AFF3: variants seen among roughly 807,000 people sequenced by gnomAD.
AFF3 encodes AF4/FMR2 family member 3.
Under a neutral mutation model 129.7 loss-of-function variants are expected in AFF3, and 32 were observed. The observed-to-expected ratio is 0.25, with a 90% confidence interval of 0.19 to 0.33. The LOEUF is 0.33. Ranked by LOEUF, AFF3 falls within the 10% of genes least tolerant of loss-of-function variation. AFF3 has a pLI of 1.00. For missense variants in AFF3, 1,373 were observed against 1,592.0 expected (o/e 0.86, Z 2.34); for synonymous variants, 644 against 635.4 (o/e 1.01, Z -0.20).
At chr2:99,797,997 T>G (rs184600941) in intron 8 of AFF3, among the ~76,000 whole-genome samples, 95 of 152,206 alleles carry the variant, frequency 6.2e-4, no homozygotes, top group Non-Finnish European at 1.1e-3. Flanking sequence ...ATGGTAAGTC[T>G]ATTAAACATA....
chr2:100,135,107 G>A (rs1326919884), intron 1 of AFF3, among the ~76,000 whole-genome samples: 2 of 152,210 alleles, frequency 1.3e-5, no homozygotes, highest in East Asian at 3.9e-4. Context: ...ACAAATAAGG[G>A]AGAGAGCACC....
At chr2:99,714,721 G>T (rs950586713) in intron 11 of AFF3, among the ~76,000 whole-genome samples, 6 of 152,144 alleles carry the variant, frequency 3.9e-5, no homozygotes, top group African/African-American at 1.2e-4. Flanking sequence ...TGATCAGTTT[G>T]TGTAACCTTA....
At chr2:100,032,032 A>G (rs904151669) in intron 4 of AFF3, among the ~76,000 whole-genome samples, 1 of 152,238 alleles carries the variant, frequency 6.6e-6, no homozygotes, top group South Asian at 2.1e-4. Flanking sequence ...TACCTACTAT[A>G]TAACTCTGTG....
intron 13 of AFF3, among the ~76,000 whole-genome samples, chr2:99,648,934 C>CTCTCTCTCTCTCTCTCTCTCTA: frequency 1.7e-5 from 2 of 119,410 alleles, no homozygotes; most frequent in South Asian, 3.2e-4. Context: ...CTCTCTCTCT[C>CTCTCTCTCTCTCTCTCTCTCTA]TCTCCAATCT....
At chr2:99,884,066 GT>G (rs1205714827) in intron 7 of AFF3, among the ~76,000 whole-genome samples, 1 of 152,160 alleles carries the variant, frequency 6.6e-6, no homozygotes, top group Non-Finnish European at 1.5e-5. Context: ...GATACTAAAG[GT>G]ACAGACATCA....
chr2:99,939,822 A>C (rs1243189044), intron 7 of AFF3, among the ~76,000 whole-genome samples: 1 of 152,238 alleles, frequency 6.6e-6, no homozygotes, highest in Non-Finnish European at 1.5e-5. Context: ...AGCACTAATA[A>C]GAACCACTCT....
intron 4 of AFF3, among the ~76,000 whole-genome samples, chr2:100,075,423 T>C (rs1194879673): frequency 2.0e-5 from 3 of 152,142 alleles, no homozygotes; most frequent in Non-Finnish European, 4.4e-5. Context: ...AAAAACAATA[T>C]GCAGAAAGTG....
chr2:99,549,952 T>C lies in AFF3; in HGVS notation c.*1522A>G, dbSNP rs1674292734. ...CACCACATATTACACCGCCTGCCTT[T>C]CTCAGACCGTCCTGGTGCAACTTTA... is the stretch of plus-strand genomic sequence containing the variant. On this transcript the variant is annotated 3_prime_UTR_variant, in exon 25 of 25. Transcript: ENST00000672756. 1 of 227,630 alleles carries C rather than the reference T, an allele frequency of 4.4e-6. No individual in the cohort carries two copies. The highest frequency in any genetic ancestry group is 8.7e-6 in the Non-Finnish European group (1 of 114,686). The allele number at this position is 227,630 out of a possible 1,614,324, so 14.1% of individuals were successfully genotyped here.
intron 13 of AFF3, among the ~76,000 whole-genome samples, chr2:99,608,524 T>C (rs72966250): frequency 0.063 from 9,614 of 152,094 alleles, 1,001 homozygotes; most frequent in African/African-American, 0.22. Context: ...AGGTTGAAAA[T>C]TGAGAACCCA....
In AFF3 at chr2:99,590,858, T is replaced by C. The variant is rs544221508; in HGVS notation, c.2466+2337A>G. ...AAAATACCAAATTAGCCAGGCATGGTGGCACATGCCTGTAATCCAAGCTAC... is the reference window on the plus strand; with the variant it reads ...AAAATACCAAATTAGCCAGGCATGGCGGCACATGCCTGTAATCCAAGCTAC... On this transcript the variant is annotated intron_variant, in intron 15 of 24. Coordinates refer to ENST00000672756, the MANE Select transcript of AFF3 (RefSeq NM_001386135.1). 6.6e-5 allele frequency among the ~76,000 whole-genome samples: 10 copies of C among 152,096 alleles called. No homozygotes were observed. In the South Asian group the frequency reaches 2.1e-3, roughly 32 times the overall value.
intron 4 of AFF3, among the ~76,000 whole-genome samples, chr2:100,012,465 C>T (rs1682641670): frequency 6.6e-6 from 1 of 152,186 alleles, no homozygotes; most frequent in Admixed American, 6.5e-5. Flanking sequence ...AAGAGAAAGG[C>T]TGGGCTTCCC....
At position 99,936,748 on chromosome 2, in the gene AFF3, G is replaced by A. The variant is rs146297952; in HGVS notation, c.873+69884C>T. The stretch of plus-strand genomic sequence containing the variant: ...GAAGTGCAAACACGCTTGCTAAAAA[G>A]GCAAACACACTTGAGAGTTCTAACG... On this transcript the variant is annotated intron_variant, in intron 7 of 24. Coordinates refer to ENST00000672756, the MANE Select transcript of AFF3 (RefSeq NM_001386135.1). 6.8e-3 allele frequency among the ~76,000 whole-genome samples: 1,035 copies of A among 152,278 alleles called. 5 individuals carry two copies. The highest frequency in any genetic ancestry group is 0.015 in the Admixed American group (224 of 15,298).
intron 22 of AFF3, among the ~76,000 whole-genome samples, chr2:99,558,255 T>TTACCTA (rs1438894482): frequency 5.3e-5 from 8 of 152,202 alleles, no homozygotes; most frequent in Admixed American, 5.2e-4. Context: ...GGAATTTATG[T>TTACCTA]TAGCTATAAA....
chr2:99,799,390 T>A (rs1181443245), intron 8 of AFF3, among the ~76,000 whole-genome samples: 1 of 151,766 alleles, frequency 6.6e-6, no homozygotes, highest in African/African-American at 2.4e-5. Context: ...CACATAAAAT[T>A]GGAGTTCCCT....
chr2:99,782,608 C>G (rs1044326724), intron 8 of AFF3, among the ~76,000 whole-genome samples: 1 of 152,204 alleles, frequency 6.6e-6, no homozygotes, highest in African/African-American at 2.4e-5. Flanking sequence ...TCAAGTCCTT[C>G]TATGCTTTAC....
At chr2:99,888,795 CCTT>C (rs1343581483) in intron 7 of AFF3, among the ~76,000 whole-genome samples, 1 of 152,074 alleles carries the variant, frequency 6.6e-6, no homozygotes, top group Non-Finnish European at 1.5e-5. Flanking sequence ...TCTTGGGCCT[CCTT>C]CTGCCCAAGA....
intron 12 of AFF3, among the ~76,000 whole-genome samples, chr2:99,649,936 G>A (rs536879125): frequency 6.6e-6 from 1 of 152,326 alleles, no homozygotes; most frequent in East Asian, 1.9e-4. Context: ...ACTGTACCCA[G>A]GTAAGCTTGG....
rs537733102 is a variant in AFF3 at position 99,828,198 on chromosome 2, G to A, written c.921+9279C>T. Among the ~76,000 whole-genome samples, 18 of 152,306 alleles carry A rather than the reference G, an allele frequency of 1.2e-4. No individual in the cohort carries two copies. The South Asian group carries it at 2.5e-3, about 21-fold the overall frequency. ...GGAGAAAAGTGTCTTAAAGGTTCCTGAGGGGGTTGATAAAGTCAATGGTAA... is the reference window on the plus strand; with the variant it reads ...GGAGAAAAGTGTCTTAAAGGTTCCTAAGGGGGTTGATAAAGTCAATGGTAA... On this transcript the variant is annotated intron_variant, in intron 8 of 24. Transcript: ENST00000672756.
chr2:100,010,950 C>T (rs1025527857), intron 4 of AFF3, among the ~76,000 whole-genome samples: 1 of 152,164 alleles, frequency 6.6e-6, no homozygotes, highest in Non-Finnish European at 1.5e-5. Flanking sequence ...GCACTTCTAG[C>T]TTTTGGAACA....
Sources: allele counts gnomAD v4.1 joint callset (sites outside exome capture counted in the v4.1 genomes callset), GRCh38; gene constraint gnomAD v4.1.1; transcripts MANE v1.5; gene names NCBI Gene and HGNC (gene_info 2026-07-23, HGNC 2026-07-21).